Variants in MYOM1 observed in about 807,000 individuals in gnomAD.
The protein encoded by MYOM1 is myomesin 1.
Under a neutral mutation model 205.3 loss-of-function variants are expected in MYOM1, and 164 were observed. The observed-to-expected ratio is 0.80, with a 90% CI of 0.70 to 0.91. The LOEUF (loss-of-function observed/expected upper bound fraction) is 0.91, where lower values mean the gene tolerates loss of function less well. Ranked by LOEUF, MYOM1 falls within the 40% of genes least tolerant of loss-of-function variation. The pLI is 0.00. For synonymous variants in MYOM1, 772 were observed against 789.4 expected, an observed-to-expected ratio of 0.98 and a Z score of 0.37; for missense variants, 2,011 against 2,127.3, an observed-to-expected ratio of 0.95 and a Z score of 1.08.
the MYOM1 span, among the ~76,000 whole-genome samples, chr18:3,237,049 C>T: frequency 6.6e-6 from 1 of 151,852 alleles, no homozygotes; most frequent in African/African-American, 2.4e-5. Flanking sequence ...GTGACCTTGA[C>T]GAGCACACAT....
At chr18:3,215,362 A>G in intron 1 of MYOM1, 111 bp from the exon 2 acceptor site, 1 of 870,590 alleles carries the variant, frequency 1.1e-6, no homozygotes, top group Non-Finnish European at 1.7e-6. Context: ...GCGGTGGTTC[A>G]TGCTTGAAAT....
chr18:3,235,618 A>C, the MYOM1 span, among the ~76,000 whole-genome samples: 1 of 152,200 alleles, frequency 6.6e-6, no homozygotes, highest in African/African-American at 2.4e-5. Flanking sequence ...GAATGCCTAT[A>C]ATGTGCCAAC....
rs776749799 is a variant in MYOM1 at position 3,129,450 on chromosome 18, C to T, written c.2576G>A (p.Gly859Glu). The T allele has an allele frequency of 5.0e-6, 8 of 1,613,814 alleles. No individual in the cohort carries two copies. The highest frequency in any genetic ancestry group is 4.5e-5 in the East Asian group (2 of 44,888). ...DEPGGLTASR[G>E]RVHEASPPTF... ...TGGCGGGGAGGCTTCATGCACGCGC[C>T]CCCTGGAGGCGGTTAGTCCACCAGG... is the stretch of plus-strand genomic sequence containing the variant. The change falls in exon 18 of 38, where the codon GGG (glycine) becomes GAG (glutamate). Residue 859 changes from glycine (G) to glutamate (E), a missense_variant. By Grantham distance (98) the Gly-to-Glu change is moderately conservative. Coordinates refer to ENST00000356443, the MANE Select transcript of MYOM1 (RefSeq NM_003803.4).
intron 13 of MYOM1, among the ~76,000 whole-genome samples, chr18:3,143,181 T>C: frequency 6.6e-6 from 1 of 152,080 alleles, no homozygotes; most frequent in East Asian, 1.9e-4. Context: ...AAAATAAGAA[T>C]AAAAGCAATC....
At chr18:3,158,011 T>A (rs2080326393) in intron 10 of MYOM1, among the ~76,000 whole-genome samples, 1 of 152,080 alleles carries the variant, frequency 6.6e-6, no homozygotes, top group Non-Finnish European at 1.5e-5. Flanking sequence ...TTAATAACTT[T>A]TTGCAAAATG....
At chr18:3,112,978 G>T (rs2079549159) in intron 21 of MYOM1, among the ~76,000 whole-genome samples, 1 of 152,056 alleles carries the variant, frequency 6.6e-6, no homozygotes, top group South Asian at 2.1e-4. Flanking sequence ...TTACTAAATA[G>T]ACATGAAATT....
chr18:3,168,683 T>C, intron 9 of MYOM1, 134 bp downstream of exon 9: 2 of 791,468 alleles, frequency 2.5e-6, no homozygotes, highest in Non-Finnish European at 2.0e-6. Context: ...TTGCTACACA[T>C]GTGAAAACCT....
At chr18:3,141,263 C>T (rs773219991) in intron 14 of MYOM1, among the ~76,000 whole-genome samples, 2 of 152,234 alleles carry the variant, frequency 1.3e-5, no homozygotes, top group South Asian at 2.1e-4. Flanking sequence ...CCCTCAAATA[C>T]GGATATGTGT....
At chr18:3,100,742 C>T (rs2079364300) in intron 23 of MYOM1, among the ~76,000 whole-genome samples, 1 of 152,178 alleles carries the variant, frequency 6.6e-6, no homozygotes, top group African/African-American at 2.4e-5. Flanking sequence ...CTGCTGGGAG[C>T]CAGACACTTC....
At position 3,146,966 on chromosome 18, in the gene MYOM1, T is replaced by G. The variant is rs528924051; in HGVS notation, c.1900+2179A>C. Among the ~76,000 whole-genome samples, 7 of 150,180 alleles carry G rather than the reference T, an allele frequency of 4.7e-5. No individual in the cohort carries two copies. The South Asian group carries it at 1.0e-3, about 22-fold the overall frequency. ...ATCAATATACAAAAATCAATTGTGTTTCTTTATACTAGCATAAAAACAAAT... is the reference window on the plus strand; with the variant it reads ...ATCAATATACAAAAATCAATTGTGTGTCTTTATACTAGCATAAAAACAAAT... On this transcript the variant is annotated intron_variant, in intron 13 of 37. Transcript: ENST00000356443.
chr18:3,151,817 A>G lies in MYOM1; in HGVS notation c.1720T>C (p.Leu574=). ...AAGATATAGGAACGACCTTCGATCA[A>G]TCCAGTGACAGGAAAACGAGCAAAC... The part of the protein sequence containing the change: ...VKFARFPVTG[L]IEGRSYIFRV... Residue 574 remains leucine, a synonymous_variant, in exon 12 of 38, where the codon TTG becomes CTG. Transcript: ENST00000356443. 1 of 1,613,920 alleles carries G rather than the reference A, an allele frequency of 6.2e-7. No individual in the cohort carries two copies. The highest frequency in any genetic ancestry group is 2.2e-5 in the East Asian group (1 of 44,884).
At chr18:3,231,981 A>G in the MYOM1 span, among the ~76,000 whole-genome samples, 1 of 151,900 alleles carries the variant, frequency 6.6e-6, no homozygotes, top group Admixed American at 6.6e-5. Flanking sequence ...TTTACCACAA[A>G]AAGTTTCCAT....
At chr18:3,196,561 T>A (rs914576952) in intron 2 of MYOM1, among the ~76,000 whole-genome samples, 8 of 152,198 alleles carry the variant, frequency 5.3e-5, no homozygotes, top group African/African-American at 1.9e-4. Flanking sequence ...TGAATTTTGA[T>A]GAAAGCAATC....
chr18:3,160,209 A>T (rs1361832189), intron 10 of MYOM1, among the ~76,000 whole-genome samples: 2 of 142,612 alleles, frequency 1.4e-5, no homozygotes, highest in Non-Finnish European at 3.0e-5. Flanking sequence ...TTTTTTTGAG[A>T]CAGGGTCTCG....
chr18:3,224,945 G>A (rs562984191), upstream of MYOM1, among the ~76,000 whole-genome samples: 12 of 152,156 alleles, frequency 7.9e-5, no homozygotes, highest in East Asian at 1.9e-4. Flanking sequence ...GATTACAGGC[G>A]TGAGCCACCG....
the MYOM1 span, among the ~76,000 whole-genome samples, chr18:3,240,362 G>A: frequency 6.6e-6 from 1 of 152,140 alleles, no homozygotes; most frequent in Non-Finnish European, 1.5e-5. Flanking sequence ...GGGATCCGGT[G>A]GGAGGTAACT....
At chr18:3,229,976 CAAAAAAAA>C in the MYOM1 span, among the ~76,000 whole-genome samples, 1 of 79,062 alleles carries the variant, frequency 1.3e-5, no homozygotes, top group Non-Finnish European at 2.3e-5. Flanking sequence ...AACTCCATCT[CAAAAAAAA>C]AAAAAAAAAA....
chr18:3,202,181 A>AG (rs1340879193), intron 2 of MYOM1, among the ~76,000 whole-genome samples: 1 of 152,204 alleles, frequency 6.6e-6, no homozygotes, highest in East Asian at 1.9e-4. Flanking sequence ...AATCCCTAGG[A>AG]AAATAGCTCA....
intron 2 of MYOM1, among the ~76,000 whole-genome samples, chr18:3,210,308 T>G (rs990167672): frequency 1.8e-4 from 28 of 152,328 alleles, no homozygotes; most frequent in African/African-American, 6.7e-4. Context: ...TATAACAGCT[T>G]TGAATGTTAG....
Sources: gnomAD v4.1 joint callset for allele counts (sites outside exome capture counted in the v4.1 genomes callset) on GRCh38, gnomAD v4.1.1 for gene constraint, MANE v1.5 for transcripts, NCBI Gene and HGNC (gene_info 2026-07-23, HGNC 2026-07-21) for gene names.